KCNIP4: variants seen among roughly 807,000 people sequenced by gnomAD.
The protein encoded by KCNIP4 is potassium voltage-gated channel interacting protein 4.
KCNIP4 carries 12 observed loss-of-function variants against 34.0 expected under a neutral mutation model. The observed-to-expected ratio is 0.35, with a 90% CI of 0.23 to 0.57. The LOEUF (loss-of-function observed/expected upper bound fraction) is 0.57, where lower values mean the gene tolerates loss of function less well. KCNIP4 is among the 20% of genes least tolerant of loss of function. The probability of loss-of-function intolerance (pLI) is 0.83; values close to 1 mark genes in which losing one functional copy is unlikely to be tolerated. For synonymous variants in KCNIP4, 124 were observed against 102.2 expected (o/e 1.21, Z -1.29); for missense variants, 238 against 311.7 (o/e 0.76, Z 1.78).
chr4:20,905,505 C>CTTTT (rs1182454951), intron 1 of KCNIP4, among the ~76,000 whole-genome samples: 1 of 37,026 alleles, frequency 2.7e-5, no homozygotes, highest in Non-Finnish European at 6.2e-5. Context: ...TGAACGTTTT[C>CTTTT]TTTCTTTTTT....
chr4:21,338,580 C>G (rs1275415919), intron 1 of KCNIP4, among the ~76,000 whole-genome samples: 1 of 150,262 alleles, frequency 6.7e-6, no homozygotes, highest in African/African-American at 2.4e-5. Context: ...GCACTCCAGC[C>G]TAGGTGACAG....
intron 1 of KCNIP4, among the ~76,000 whole-genome samples, chr4:21,454,474 G>A (rs2109753321): frequency 6.6e-6 from 1 of 152,204 alleles, no homozygotes; most frequent in South Asian, 2.1e-4. Context: ...CAGTCTGATC[G>A]AATTCCTGAT....
At chr4:21,370,508 A>G (rs1391722557) in intron 1 of KCNIP4, among the ~76,000 whole-genome samples, 1 of 145,402 alleles carries the variant, frequency 6.9e-6, no homozygotes, top group South Asian at 2.1e-4. Flanking sequence ...TATATACAAC[A>G]TATAATAAAG....
intron 1 of KCNIP4, among the ~76,000 whole-genome samples, chr4:21,662,879 T>G (rs918759802): frequency 1.3e-5 from 2 of 152,230 alleles, no homozygotes; most frequent in African/African-American, 4.8e-5. Context: ...TTCTAATAAC[T>G]TGATTCAAGG....
intron 1 of KCNIP4, among the ~76,000 whole-genome samples, chr4:21,541,182 A>AAAAC (rs1205921558): frequency 1.2e-4 from 11 of 92,048 alleles, no homozygotes; most frequent in South Asian, 5.5e-4. Context: ...AAAGAAAACA[A>AAAAC]AAAAAAAAAA....
At chr4:21,250,467 A>G (rs954525842) in intron 1 of KCNIP4, among the ~76,000 whole-genome samples, 12 of 152,248 alleles carry the variant, frequency 7.9e-5, no homozygotes, top group East Asian at 3.9e-4. Context: ...TCCCTGTCTC[A>G]TGAAGTGGAA....
intron 1 of KCNIP4, among the ~76,000 whole-genome samples, chr4:21,486,825 G>A (rs1458077653): frequency 6.7e-6 from 1 of 150,126 alleles, no homozygotes; most frequent in Non-Finnish European, 1.5e-5. Context: ...CCTATTTTGA[G>A]ATGGAGTTTT....
intron 1 of KCNIP4, among the ~76,000 whole-genome samples, chr4:21,716,773 C>T (rs558981112): frequency 1.1e-4 from 16 of 152,260 alleles, no homozygotes; most frequent in Admixed American, 3.9e-4. Flanking sequence ...CTAAAACGGC[C>T]TTGTTGAAGG....
chr4:21,789,202 G>A (rs1316142144), intron 1 of KCNIP4, among the ~76,000 whole-genome samples: 4 of 151,058 alleles, frequency 2.6e-5, no homozygotes, highest in South Asian at 2.1e-4. Flanking sequence ...TCTTCTACCC[G>A]CCCTGGGTTT....
intron 1 of KCNIP4, among the ~76,000 whole-genome samples, chr4:21,810,963 C>T (rs1721614501): frequency 6.6e-6 from 1 of 152,130 alleles, no homozygotes. Context: ...TTAATACCAA[C>T]AATTAAGTTA....
chr4:20,870,298 T>C (rs1186049677), intron 2 of KCNIP4, among the ~76,000 whole-genome samples: 2 of 151,960 alleles, frequency 1.3e-5, no homozygotes, highest in African/African-American at 4.8e-5. Flanking sequence ...TTGTTAAAAG[T>C]GTGTAGCACT....
At chr4:20,760,709 G>A (rs1189215673) in intron 3 of KCNIP4, among the ~76,000 whole-genome samples, 1 of 152,160 alleles carries the variant, frequency 6.6e-6, no homozygotes, top group Non-Finnish European at 1.5e-5. Context: ...CTAAGCCAGT[G>A]GGGAAGCTGG....
At chr4:21,930,594 C>A (rs1014595452) in intron 1 of KCNIP4, among the ~76,000 whole-genome samples, 1 of 152,092 alleles carries the variant, frequency 6.6e-6, no homozygotes, top group Non-Finnish European at 1.5e-5. Flanking sequence ...GACCTCTCAC[C>A]ATTCCCTGAC....
intron 3 of KCNIP4, among the ~76,000 whole-genome samples, chr4:20,779,024 T>A (rs1347675268): frequency 2.6e-5 from 4 of 151,902 alleles, no homozygotes; most frequent in Admixed American, 2.0e-4. Flanking sequence ...GGGAGGCAGA[T>A]AAATTATAAA....
At chr4:21,283,432 A>T (rs1388508773) in intron 1 of KCNIP4, among the ~76,000 whole-genome samples, 1 of 151,982 alleles carries the variant, frequency 6.6e-6, no homozygotes, top group Non-Finnish European at 1.5e-5. Flanking sequence ...CTCTCATGCC[A>T]TAATCTGAAG....
At chr4:21,512,188 C>G (rs202096461) in intron 1 of KCNIP4, among the ~76,000 whole-genome samples, 5,486 of 139,338 alleles carry the variant, frequency 0.039, 184 homozygotes, top group East Asian at 0.14. Flanking sequence ...AAGGAACGAA[C>G]GAAGGAACGA....
At chr4:21,276,364 T>C (rs1185185858) in intron 1 of KCNIP4, among the ~76,000 whole-genome samples, 1 of 54,094 alleles carries the variant, frequency 1.8e-5, no homozygotes, top group Non-Finnish European at 3.4e-5. Context: ...ATTTTCTCTT[T>C]TTTTTTTTTT....
chr4:21,234,796 C>T (rs530120070), intron 1 of KCNIP4, among the ~76,000 whole-genome samples: 28 of 151,552 alleles, frequency 1.8e-4, no homozygotes, highest in African/African-American at 2.4e-4. Flanking sequence ...TACAGGTGCC[C>T]GCTACCATGC....
At chr4:21,911,800 A>C (rs927258153) in intron 1 of KCNIP4, among the ~76,000 whole-genome samples, 1 of 152,028 alleles carries the variant, frequency 6.6e-6, no homozygotes, top group Non-Finnish European at 1.5e-5. Flanking sequence ...ACAGCCCTCC[A>C]GTCTTCATCA....
Sources: allele counts gnomAD v4.1 joint callset (sites outside exome capture counted in the v4.1 genomes callset), GRCh38; gene constraint gnomAD v4.1.1; transcripts MANE v1.5; gene names NCBI Gene and HGNC (gene_info 2026-07-23, HGNC 2026-07-21).